The following MLIP variants were observed in gnomAD, a reference collection of about 807,000 sequenced individuals.
MLIP encodes the protein muscular LMNA interacting protein, also known as muscular LMNA-interacting protein.
MLIP carries 79 observed loss-of-function variants against 84.8 expected under a neutral mutation model. The ratio of observed to expected loss-of-function variants is 0.93; its 90% CI spans 0.78 to 1.12. MLIP has a LOEUF of 1.12. Ranked by LOEUF, MLIP falls within the 50% of genes most tolerant of loss-of-function variation. The pLI is 0.00. For synonymous variants in MLIP, 504 were observed against 463.0 expected (o/e 1.09, Z -1.14); for missense variants, 1,257 against 1,160.6 (o/e 1.08, Z -1.21).
chr6:54,110,837 C>A (rs991509269), upstream of MLIP, among the ~76,000 whole-genome samples: 2 of 152,142 alleles, frequency 1.3e-5, no homozygotes, highest in Non-Finnish European at 2.9e-5. Flanking sequence ...CTTCCAGGAA[C>A]CTTGGAATGA....
At chr6:54,086,002 C>A (rs1481437781) in intron 1 of MLIP, among the ~76,000 whole-genome samples, 1 of 152,136 alleles carries the variant, frequency 6.6e-6, no homozygotes, top group Non-Finnish European at 1.5e-5. Flanking sequence ...CCAGACCTGC[C>A]ATGACAGCCT....
intron 10 of MLIP, among the ~76,000 whole-genome samples, chr6:54,192,818 T>C (rs1232022102): frequency 6.6e-6 from 1 of 152,288 alleles, no homozygotes; most frequent in East Asian, 1.9e-4. Flanking sequence ...ATTTGTTTTG[T>C]GTAAAACAAA....
chr6:54,164,909 G>A (rs2150575582), intron 8 of MLIP, among the ~76,000 whole-genome samples: 1 of 151,970 alleles, frequency 6.6e-6, no homozygotes, highest in Non-Finnish European at 1.5e-5. Flanking sequence ...TACTAATAAA[G>A]CTGCCAAGAA....
chr6:54,196,576 G>C (rs1173449139), intron 10 of MLIP, among the ~76,000 whole-genome samples: 1 of 151,746 alleles, frequency 6.6e-6, no homozygotes, highest in Non-Finnish European at 1.5e-5. Context: ...TTCTTTATCT[G>C]GTCTATCATT....
intron 11 of MLIP, among the ~76,000 whole-genome samples, chr6:54,213,930 C>T (rs1779671611): frequency 6.6e-6 from 1 of 151,872 alleles, no homozygotes; most frequent in African/African-American, 2.4e-5. Context: ...GTTTTCCTAA[C>T]AAAGATATGG....
intron 1 of MLIP, among the ~76,000 whole-genome samples, chr6:54,080,588 A>G (rs956564931): frequency 6.6e-6 from 1 of 151,758 alleles, no homozygotes; most frequent in Admixed American, 6.6e-5. Flanking sequence ...GCATTTGCAT[A>G]TAACTATACC....
chr6:54,218,936 G>T (rs1780028520), intron 11 of MLIP, among the ~76,000 whole-genome samples: 1 of 151,348 alleles, frequency 6.6e-6, no homozygotes, highest in South Asian at 2.1e-4. Flanking sequence ...AGGTGCAGTG[G>T]CTCACACCTG....
intron 10 of MLIP, among the ~76,000 whole-genome samples, chr6:54,195,669 A>C (rs907620416): frequency 2.0e-5 from 3 of 152,230 alleles, no homozygotes; most frequent in Non-Finnish European, 4.4e-5. Flanking sequence ...AACACAAATC[A>C]ATAGCAGGCT....
chr6:54,097,069 A>G (rs1768267114), intron 1 of MLIP, among the ~76,000 whole-genome samples: 1 of 152,178 alleles, frequency 6.6e-6, no homozygotes, highest in Non-Finnish European at 1.5e-5. Flanking sequence ...ATGTTAGGGA[A>G]GAGTTAGAAA....
At chr6:54,115,008 G>A (rs531145709) in intron 1 of MLIP, among the ~76,000 whole-genome samples, 1 of 152,290 alleles carries the variant, frequency 6.6e-6, no homozygotes, top group Admixed American at 6.5e-5. Flanking sequence ...AGCTCCAAGT[G>A]AGAATGTGGG....
In MLIP at chr6:54,137,305, C is replaced by T. The variant is rs1057508464; in HGVS notation, c.1236C>T (p.Ser412=). 19 of 1,535,940 alleles carry T rather than the reference C, an allele frequency of 1.2e-5. No individual in the cohort carries two copies. The highest frequency in any genetic ancestry group is 3.3e-4 in the Middle Eastern group (2 of 6,012). ...CAGGGGTAAAATCCCCGGTGCCTTC[C>T]CGGCTTGCCCTTCTCACTGCCATTC... The part of the protein sequence containing the change: ...SKSGVKSPVP[S]RLALLTAILK... Residue 412 remains serine (S), a synonymous_variant, in exon 4 of 14, where the codon TCC becomes TCT. Coordinates refer to ENST00000502396, the MANE Select transcript of MLIP (RefSeq NM_001281747.2).
intron 4 of MLIP, among the ~76,000 whole-genome samples, chr6:54,148,375 T>G (rs1773080695): frequency 6.6e-6 from 1 of 152,192 alleles, no homozygotes; most frequent in Non-Finnish European, 1.5e-5. Flanking sequence ...TATTCTGAGT[T>G]GTACTTAACA....
At chr6:54,050,606 A>T (rs955217144) in intron 1 of MLIP, among the ~76,000 whole-genome samples, 1 of 151,926 alleles carries the variant, frequency 6.6e-6, no homozygotes, top group Non-Finnish European at 1.5e-5. Context: ...TTTGATTTCC[A>T]TTTTTCCTAA....
At chr6:54,149,907 G>T (rs1411346056) in intron 5 of MLIP, among the ~76,000 whole-genome samples, 1 of 152,092 alleles carries the variant, frequency 6.6e-6, no homozygotes, top group African/African-American at 2.4e-5. Flanking sequence ...AGTGAAATGA[G>T]TTACCAAGTC....
intron 1 of MLIP, among the ~76,000 whole-genome samples, chr6:54,094,138 CAAT>C (rs1169730641): frequency 5.3e-5 from 8 of 151,936 alleles, no homozygotes; most frequent in East Asian, 1.9e-4. Context: ...TTAATAACAG[CAAT>C]AATAATAATA....
In MLIP at chr6:54,086,778, T is replaced by A. The variant is rs998482181; in HGVS notation, c.64-34669T>A. ...GGTTCTTGGCTTTTGCTGTTCTCTC[T>A]TCTTGGAGTATTTTCACCTAGATAT... On this transcript the variant is annotated intron_variant, in intron 1 of 12. Transcript: ENST00000274897. Among the ~76,000 whole-genome samples the A allele has an allele frequency of 7.9e-5, 12 of 152,280 alleles. 2 individuals are homozygous for A. Among genetic ancestry groups the A allele is most frequent in the African/African-American group, 2.9e-4 (12 of 41,566 alleles).
At chr6:54,203,445 T>G (rs1369179713) in intron 11 of MLIP, among the ~76,000 whole-genome samples, 2 of 151,850 alleles carry the variant, frequency 1.3e-5, no homozygotes, top group Non-Finnish European at 2.9e-5. Context: ...AAATAATAAC[T>G]AACAATATTC....
intron 3 of MLIP, among the ~76,000 whole-genome samples, chr6:54,134,153 A>C (rs1051629863): frequency 6.6e-6 from 1 of 152,128 alleles, no homozygotes; most frequent in African/African-American, 2.4e-5. Flanking sequence ...ATCACTAATA[A>C]GGGATTTACA....
chr6:54,105,025 A>T (rs1768910398), intron 1 of MLIP, among the ~76,000 whole-genome samples: 1 of 152,214 alleles, frequency 6.6e-6, no homozygotes, highest in Non-Finnish European at 1.5e-5. Context: ...TAAGAAGGGC[A>T]CGTTGGATAA....
Sources: gnomAD v4.1 joint callset for allele counts (sites outside exome capture counted in the v4.1 genomes callset) on GRCh38, gnomAD v4.1.1 for gene constraint, MANE v1.5 for transcripts, NCBI Gene and HGNC (gene_info 2026-07-23, HGNC 2026-07-21) for gene names.